The following FAM167A variants were observed in gnomAD, a reference collection of about 807,000 sequenced individuals.
FAM167A encodes protein FAM167A.
A neutral mutation model predicts 14.9 loss-of-function variants in FAM167A; 23 were observed. The observed-to-expected ratio is 1.55, with a 90% confidence interval of 1.11 to 2.19. FAM167A has a LOEUF of 2.19. FAM167A is among the 30% of genes most tolerant of loss of function. FAM167A has a pLI of 0.00. For missense variants in FAM167A, 401 were observed against 281.5 expected (o/e 1.42, Z -3.04); for synonymous variants, 174 against 117.7 (o/e 1.48, Z -3.10).
chr8:11,432,902 T>C (rs553480755), intron 2 of FAM167A, among the ~76,000 whole-genome samples: 1 of 152,314 alleles, frequency 6.6e-6, no homozygotes, highest in South Asian at 2.1e-4. Flanking sequence ...GATGAGTTCA[T>C]GTCCTTTGCA....
chr8:11,431,960 G>T (rs942879847), intron 2 of FAM167A, among the ~76,000 whole-genome samples: 3 of 151,704 alleles, frequency 2.0e-5, no homozygotes, highest in African/African-American at 7.3e-5. Context: ...GCTGGCCGGG[G>T]TGACTCAACT....
intron 2 of FAM167A, chr8:11,434,859 A>T (rs1805889241): frequency 2.8e-6 from 1 of 355,528 alleles, no homozygotes; most frequent in African/African-American, 2.1e-5. Context: ...GAGGTTCTGG[A>T]AGCTGTACAC....
chr8:11,473,161 T>A (rs553799791), intron 1 of FAM167A, among the ~76,000 whole-genome samples: 1 of 152,162 alleles, frequency 6.6e-6, no homozygotes, highest in Non-Finnish European at 1.5e-5. Flanking sequence ...TCCAACTCAA[T>A]AGCCCACGGC....
rs1233379593 is a variant in FAM167A, at chr8:11,474,116, C to G, written c.-398+1750G>C. ...TCTTGAACCCCTGACCTCAGGTGAT[C>G]CGCCTGCCTTGGCCTCCCAAAGTGC... On this transcript the variant is annotated intron_variant, in intron 1 of 1. Coordinates refer to the FAM167A transcript ENST00000648766. Among the ~76,000 whole-genome samples the G allele has an allele frequency of 7.2e-5, 11 of 152,180 alleles. No individual in the cohort carries two copies. The East Asian group carries it at 2.1e-3, about 29-fold the overall frequency.
At chr8:11,437,648 T>A (rs535520001) in intron 2 of FAM167A, among the ~76,000 whole-genome samples, 7 of 148,882 alleles carry the variant, frequency 4.7e-5, no homozygotes, top group African/African-American at 1.8e-4. Flanking sequence ...TCCCCAGGTT[T>A]ATGGAATCTG....
At chr8:11,450,074 T>C (rs972069426) in intron 1 of FAM167A, among the ~76,000 whole-genome samples, 3 of 152,190 alleles carry the variant, frequency 2.0e-5, no homozygotes, top group Admixed American at 1.3e-4. Context: ...TAAGACACAA[T>C]CTTTCCAACC....
upstream of FAM167A, among the ~76,000 whole-genome samples, chr8:11,470,527 AGG>A (rs1225218561): frequency 1.3e-5 from 2 of 152,116 alleles, no homozygotes; most frequent in Non-Finnish European, 2.9e-5. Context: ...CCTTCCCCCG[AGG>A]GGAGCTCCAA....
chr8:11,449,964 G>A (rs1482965077), intron 1 of FAM167A, among the ~76,000 whole-genome samples: 1 of 152,212 alleles, frequency 6.6e-6, no homozygotes, highest in Non-Finnish European at 1.5e-5. Context: ...GAAGACGCAG[G>A]CACTGCTGAC....
At chr8:11,435,327 T>C (rs1331640338) in intron 2 of FAM167A, among the ~76,000 whole-genome samples, 4 of 152,174 alleles carry the variant, frequency 2.6e-5, no homozygotes. Flanking sequence ...GCCTCCACCA[T>C]GGCACCCACG....
upstream of FAM167A, among the ~76,000 whole-genome samples, chr8:11,467,309 G>A (rs957604043): frequency 6.6e-6 from 1 of 152,268 alleles, no homozygotes; most frequent in African/African-American, 2.4e-5. Context: ...CCAGGGGCGC[G>A]GCATCGGCCA....
Position 11,423,984 on chromosome 8 carries a change from CA to C in FAM167A, c.*388del. The C allele has an allele frequency of 4.6e-6, 1 of 216,756 alleles. No individual in the cohort carries two copies. The allele number at this position is 216,756 out of a possible 1,614,324, so 13.4% of individuals were successfully genotyped here. ...AATTTCCCCCAAGGCCCTTGCGGGA[CA>C]GCCTTCTGCAAAAATGACAGCTTTG... On this transcript the variant is annotated 3_prime_UTR_variant, in exon 3 of 3. Transcript: ENST00000284486.
chr8:11,424,400 G>A lies in FAM167A; in HGVS notation c.618C>T (p.Ile206=), dbSNP rs765900981. Residue 206 remains isoleucine (I), a synonymous_variant, in exon 3 of 3, where the codon ATC becomes ATT. Transcript: ENST00000284486. ...LKLIGVTKMN[I]NSRRFSLC is the part of the protein sequence containing the mutation. ...AGCAGAGAGAGAACCTCCGAGAGTT[G>A]ATGTTCATCTTGGTCACGCCAATAA... 4.3e-6 allele frequency: 7 copies of A among 1,613,906 alleles called. No homozygotes were observed. The African/African-American group carries it at 8.0e-5, about 18-fold the overall frequency.
intron 2 of FAM167A, among the ~76,000 whole-genome samples, chr8:11,432,503 C>G (rs1805680026): frequency 6.6e-6 from 1 of 152,154 alleles, no homozygotes; most frequent in Non-Finnish European, 1.5e-5. Flanking sequence ...AAATGCAAAT[C>G]AAAATCACAA....
chr8:11,474,711 T>A (rs1454627743), intron 1 of FAM167A: 1 of 152,108 alleles, frequency 6.6e-6, no homozygotes, highest in African/African-American at 2.4e-5. Flanking sequence ...CATGGTCTGA[T>A]CAAAATGTTT....
At chr8:11,445,612 C>T (rs1806739638) in intron 1 of FAM167A, 4 of 985,354 alleles carry the variant, frequency 4.1e-6, no homozygotes, top group Admixed American at 6.2e-5. Context: ...GATGTGGCCT[C>T]CCCATCTCCA....
intron 1 of FAM167A, among the ~76,000 whole-genome samples, chr8:11,463,874 G>A (rs1011535531): frequency 2.0e-5 from 3 of 152,198 alleles, no homozygotes; most frequent in Non-Finnish European, 4.4e-5. Flanking sequence ...AGTGAAGAGA[G>A]CTTTGTGGTG....
At chr8:11,458,667 T>C (rs560867961) in intron 1 of FAM167A, among the ~76,000 whole-genome samples, 3 of 151,852 alleles carry the variant, frequency 2.0e-5, no homozygotes, top group African/African-American at 4.8e-5. Flanking sequence ...CTTGGAGAAA[T>C]AGGGTATTTT....
At position 11,444,594 on chromosome 8, in the gene FAM167A, G is replaced by C; in HGVS notation, c.-183C>G. On this transcript the variant is annotated 5_prime_UTR_variant, in exon 2 of 3. Transcript: ENST00000284486. ...GGAGCTGAGAGGGACCGCGCAGTGAGCCGCACAGGGCGCCCTCCTGGAGGC... is the reference window on the plus strand; with the variant it reads ...GGAGCTGAGAGGGACCGCGCAGTGACCCGCACAGGGCGCCCTCCTGGAGGC... 1.4e-6 allele frequency: 2 copies of C among 1,409,408 alleles called. No individual in the cohort carries two copies. Among genetic ancestry groups the C allele is most frequent in the Non-Finnish European group, 1.8e-6 (2 of 1,088,730 alleles). 87.3% of individuals were successfully genotyped at this position (1,409,408 alleles called of 1,614,324 possible). A position where few individuals can be genotyped will look rare whatever the true frequency, so the allele number is the denominator to read the frequency against.
intron 2 of FAM167A, chr8:11,435,248 C>T: frequency 2.5e-6 from 1 of 397,092 alleles, no homozygotes; most frequent in South Asian, 1.9e-5. Flanking sequence ...ACCAGCTCAG[C>T]CTTTGTCCCT....
Sources: allele counts gnomAD v4.1 joint callset (sites outside exome capture counted in the v4.1 genomes callset), GRCh38; gene constraint gnomAD v4.1.1; transcripts MANE v1.5; gene names NCBI Gene and HGNC (gene_info 2026-07-23, HGNC 2026-07-21).